VAX2: variants seen among roughly 807,000 people sequenced by gnomAD.
The protein encoded by VAX2 is ventral anterior homeobox 2.
In VAX2, 8 loss-of-function variants were observed where a neutral mutation model predicts 12.5. The ratio of observed to expected loss-of-function variants is 0.64; its 90% CI spans 0.37 to 1.15. VAX2 has a LOEUF of 1.15. Ranked by LOEUF, VAX2 falls within the 50% of genes most tolerant of loss-of-function variation. VAX2 has a pLI of 0.01. For synonymous variants in VAX2, 183 were observed against 187.6 expected (o/e 0.98, Z 0.20); for missense variants, 476 against 412.9 (o/e 1.15, Z -1.32).
intron 1 of VAX2, among the ~76,000 whole-genome samples, chr2:70,905,784 G>T (rs782407080): frequency 5.3e-5 from 8 of 152,204 alleles, no homozygotes; most frequent in Non-Finnish European, 1.0e-4. Flanking sequence ...GGTACCTGGG[G>T]CTACAGGAAA....
intron 2 of VAX2, among the ~76,000 whole-genome samples, chr2:70,932,217 G>A (rs550956727): frequency 1.3e-4 from 20 of 152,336 alleles, no homozygotes; most frequent in African/African-American, 4.8e-4. Context: ...CATGATGGAA[G>A]AGGGAGCGTG....
At chr2:70,931,850 G>C (rs1175470791) in intron 2 of VAX2, among the ~76,000 whole-genome samples, 1 of 152,254 alleles carries the variant, frequency 6.6e-6, no homozygotes, top group Non-Finnish European at 1.5e-5. Context: ...CAGAGCCAGG[G>C]TGGGCCATGA....
At chr2:70,928,287 G>T (rs1553413814) in intron 2 of VAX2, among the ~76,000 whole-genome samples, 1 of 152,352 alleles carries the variant, frequency 6.6e-6, no homozygotes, top group Non-Finnish European at 1.5e-5. Flanking sequence ...ATGCTGGGAA[G>T]CACATTAGAT....
intron 2 of VAX2, among the ~76,000 whole-genome samples, chr2:70,929,340 C>T (rs1345500502): frequency 1.3e-5 from 2 of 152,210 alleles, no homozygotes; most frequent in African/African-American, 4.8e-5. Context: ...GGGCCACTGC[C>T]AGCCCATAAA....
At chr2:70,920,577 T>G (rs1679434567) in intron 1 of VAX2, among the ~76,000 whole-genome samples, 1 of 151,940 alleles carries the variant, frequency 6.6e-6, no homozygotes, top group Admixed American at 6.6e-5. Context: ...GCTAGCCTCC[T>G]CCTCATGGAC....
chr2:70,914,598 CA>C (rs1679267172), intron 1 of VAX2, among the ~76,000 whole-genome samples: 2 of 151,496 alleles, frequency 1.3e-5, no homozygotes, highest in South Asian at 4.1e-4. Flanking sequence ...TATTAATTGT[CA>C]TCATTGTTTT....
At chr2:70,929,964 T>C in intron 2 of VAX2, among the ~76,000 whole-genome samples, 1 of 152,232 alleles carries the variant, frequency 6.6e-6, no homozygotes, top group African/African-American at 2.4e-5. Context: ...AATGTATATC[T>C]GGTGAGTGAA....
intron 2 of VAX2, among the ~76,000 whole-genome samples, chr2:70,932,128 CAG>C (rs1162293855): frequency 6.6e-6 from 1 of 152,250 alleles, no homozygotes; most frequent in Admixed American, 6.5e-5. Flanking sequence ...CGGTCCAGGT[CAG>C]AGAGAACAAA....
At chr2:70,932,523 G>A (rs1315901144) in intron 2 of VAX2, among the ~76,000 whole-genome samples, 1 of 151,892 alleles carries the variant, frequency 6.6e-6, no homozygotes, top group Non-Finnish European at 1.5e-5. Flanking sequence ...TAGTAGTAGA[G>A]GGGCCTCCAT....
chr2:70,923,152 A>C (rs1367893263), intron 2 of VAX2, among the ~76,000 whole-genome samples: 1 of 152,196 alleles, frequency 6.6e-6, no homozygotes, highest in Non-Finnish European at 1.5e-5. Flanking sequence ...AGGAGCCCAG[A>C]ACACAGCTGG....
Position 70,900,735 on chromosome 2 carries a change from C to G in VAX2, c.114C>G (p.Gly38=). The G allele has an allele frequency of 2.1e-6, 3 of 1,429,370 alleles. No individual in the cohort carries two copies. Among genetic ancestry groups the G allele is most frequent in the Non-Finnish European group, 2.8e-6 (3 of 1,085,630 alleles). 88.5% of individuals were successfully genotyped at this position (1,429,370 alleles called of 1,614,324 possible). A position where few individuals can be genotyped will look rare whatever the true frequency, so the allele number is the denominator to read the frequency against. ...RSGAGDLRAD[G]GGHSPTEVAG... Reference sequence around the variant, plus strand: ...GAGCGGGGGACTTGCGAGCTGATGGCGGTGGCCACAGCCCAACGGAGGTGG... The same window carrying G: ...GAGCGGGGGACTTGCGAGCTGATGGGGGTGGCCACAGCCCAACGGAGGTGG... The change falls in exon 1 of 3, where the codon GGC becomes GGG. Residue 38 remains glycine, a synonymous_variant. Transcript: ENST00000234392.
chr2:70,910,723 G>A (rs1283320756), intron 1 of VAX2, among the ~76,000 whole-genome samples: 3 of 150,672 alleles, frequency 2.0e-5, no homozygotes, highest in Non-Finnish European at 4.4e-5. Flanking sequence ...CACTTATATA[G>A]TAAGGAAATG....
At chr2:70,901,248 C>A (rs777327704) in intron 1 of VAX2, among the ~76,000 whole-genome samples, 4 of 152,220 alleles carry the variant, frequency 2.6e-5, no homozygotes, top group Non-Finnish European at 5.9e-5. Flanking sequence ...GGGGACAGGA[C>A]GTGGAGGGAG....
intron 2 of VAX2, among the ~76,000 whole-genome samples, chr2:70,931,985 A>T (rs1302298977): frequency 1.3e-5 from 2 of 152,220 alleles, no homozygotes; most frequent in Admixed American, 6.5e-5. Flanking sequence ...TTTAAAAACT[A>T]CTAAAGTCTG....
At chr2:70,921,944 C>A (rs968644775) in intron 2 of VAX2, among the ~76,000 whole-genome samples, 14 of 152,228 alleles carry the variant, frequency 9.2e-5, no homozygotes, top group African/African-American at 1.7e-4. Context: ...ACTACTACTA[C>A]TACTAATACT....
intron 1 of VAX2, among the ~76,000 whole-genome samples, chr2:70,916,723 C>G (rs782211177): frequency 6.6e-6 from 1 of 152,016 alleles, no homozygotes; most frequent in Non-Finnish European, 1.5e-5. Context: ...GAGTAGTATC[C>G]CAGAGTACAG....
At chr2:70,916,032 G>C (rs1183282473) in intron 1 of VAX2, among the ~76,000 whole-genome samples, 18 of 152,020 alleles carry the variant, frequency 1.2e-4, no homozygotes, top group African/African-American at 4.4e-4. Flanking sequence ...TAAAATAAAT[G>C]CCTAACTTTT....
At chr2:70,920,706 C>A (rs1219373232) in intron 1 of VAX2, among the ~76,000 whole-genome samples, 3 of 151,946 alleles carry the variant, frequency 2.0e-5, no homozygotes, top group African/African-American at 7.3e-5. Flanking sequence ...CTCCAGTAAG[C>A]CTTACCTGAT....
At chr2:70,911,906 T>G (rs1679194194) in intron 1 of VAX2, among the ~76,000 whole-genome samples, 1 of 152,248 alleles carries the variant, frequency 6.6e-6, no homozygotes, top group South Asian at 2.1e-4. Context: ...CTCAAATATG[T>G]CATTTATTTT....
Sources: gnomAD v4.1 joint callset for allele counts (sites outside exome capture counted in the v4.1 genomes callset) on GRCh38, gnomAD v4.1.1 for gene constraint, MANE v1.5 for transcripts, NCBI Gene and HGNC (gene_info 2026-07-23, HGNC 2026-07-21) for gene names.